Variants in DOCK5 observed in about 807,000 individuals in gnomAD.
The protein encoded by DOCK5 is dedicator of cytokinesis protein 5.
Under a neutral mutation model 251.8 loss-of-function variants are expected in DOCK5, and 142 were observed. The ratio of observed to expected loss-of-function variants is 0.56; its 90% confidence interval spans 0.49 to 0.65. The LOEUF (loss-of-function observed/expected upper bound fraction) is 0.65. Ranked by LOEUF, DOCK5 falls within the 30% of genes least tolerant of loss-of-function variation. The pLI, the probability that DOCK5 is intolerant of heterozygous loss-of-function variation, is 0.00. For missense variants in DOCK5, 2,111 were observed against 2,312.3 expected, an observed-to-expected ratio of 0.91 and a Z score of 1.79; for synonymous variants, 842 against 835.5, an observed-to-expected ratio of 1.01 and a Z score of -0.13.
Position 25,380,359 on chromosome 8 carries a change from A to C in DOCK5, c.3991A>C (p.Lys1331Gln). 4 of 1,612,012 alleles carry C rather than the reference A, an allele frequency of 2.5e-6. No homozygotes were observed. Among genetic ancestry groups the C allele is most frequent in the Middle Eastern group, 1.7e-4 (1 of 6,058 alleles). The change falls in exon 39 of 52, where the codon AAA becomes CAA. Residue 1331 changes from lysine to glutamine, a missense_variant. By Grantham distance (53) the Lys-to-Gln change is moderately conservative. Transcript: ENST00000276440. The part of the protein sequence containing the change: ...SKELAETYES[K>Q]VFDYEGLGNL... ...AGAGTTGGCTGAGACTTACGAAAGC[A>C]AAGTATTTGACTACGAGGGCCTTGG...
At chr8:25,252,639 C>A (rs1803301715) in intron 2 of DOCK5, among the ~76,000 whole-genome samples, 1 of 152,196 alleles carries the variant, frequency 6.6e-6, no homozygotes, top group Admixed American at 6.5e-5. Context: ...GCTACTACTG[C>A]TGGTGACATA....
At chr8:25,286,300 G>A (rs992957598) in intron 5 of DOCK5, among the ~76,000 whole-genome samples, 1 of 152,176 alleles carries the variant, frequency 6.6e-6, no homozygotes, top group Admixed American at 6.5e-5. Context: ...CAAGTGAGAT[G>A]ATCAGAGTCA....
At chr8:25,320,605 C>T (rs1296259472) in intron 15 of DOCK5, among the ~76,000 whole-genome samples, 2 of 152,126 alleles carry the variant, frequency 1.3e-5, no homozygotes, top group East Asian at 3.9e-4. Flanking sequence ...TATTACCTTT[C>T]CCCCTCTTTA....
At chr8:25,303,807 T>TA (rs1371113322) in intron 10 of DOCK5, among the ~76,000 whole-genome samples, 1 of 151,990 alleles carries the variant, frequency 6.6e-6, no homozygotes, top group East Asian at 1.9e-4. Flanking sequence ...ACTAAAAAAA[T>TA]ACAAAAGTTA....
intron 18 of DOCK5, among the ~76,000 whole-genome samples, chr8:25,331,753 G>A (rs1805684816): frequency 2.7e-5 from 4 of 149,438 alleles, no homozygotes; most frequent in African/African-American, 7.4e-5. Flanking sequence ...TAAAATCTGT[G>A]CAGTCATGAT....
At chr8:25,300,509 T>G in intron 8 of DOCK5, 67 bp from the exon 9 acceptor site, 6 of 1,395,372 alleles carry the variant, frequency 4.3e-6, no homozygotes, top group Non-Finnish European at 6.0e-6. Context: ...AAGTCTATAC[T>G]GAGGGTAGCC....
rs188614782 is a variant in DOCK5 at position 25,306,261 on chromosome 8, A to T, written c.1049+1934A>T. Among the ~76,000 whole-genome samples, 6 of 152,346 alleles carry T rather than the reference A, an allele frequency of 3.9e-5. No homozygotes were observed. The East Asian group carries it at 1.2e-3, about 29-fold the overall frequency. On this transcript the variant is annotated intron_variant, in intron 11 of 51. Transcript: ENST00000276440. ...CCTTCCAAGACGAGACAAATATTTT[A>T]TGTAGCACAGTGCTAAAGTTAATTA...
At chr8:25,246,287 T>G (rs1803105555) in intron 2 of DOCK5, among the ~76,000 whole-genome samples, 1 of 152,200 alleles carries the variant, frequency 6.6e-6, no homozygotes, top group South Asian at 2.1e-4. Context: ...TTTTTTGTAT[T>G]TTTTGGAGAC....
chr8:25,205,008 C>A (rs1170056032), intron 1 of DOCK5, among the ~76,000 whole-genome samples: 2 of 149,118 alleles, frequency 1.3e-5, no homozygotes, highest in African/African-American at 2.4e-5. Context: ...GTGGGGCCCT[C>A]ATGAGGGGAT....
intron 33 of DOCK5, 72 bp downstream of exon 33, chr8:25,368,797 T>C (rs1230056000): frequency 1.1e-5 from 16 of 1,452,992 alleles, no homozygotes; most frequent in Admixed American, 6.7e-5. Context: ...TCTTTCTATA[T>C]AGAGAAGCAG....
At chr8:25,292,240 A>G (rs1232858117) in intron 6 of DOCK5, 68 bp downstream of exon 6, 6 of 1,447,948 alleles carry the variant, frequency 4.1e-6, no homozygotes, top group Non-Finnish European at 5.5e-6. Flanking sequence ...CGCTAATGAC[A>G]CTGTTTGCAG....
At position 25,411,399 on chromosome 8, in the gene DOCK5, C is replaced by T; in HGVS notation, c.*101C>T. 1 of 1,317,450 alleles carries T rather than the reference C, an allele frequency of 7.6e-7. No individual in the cohort carries two copies. The highest frequency in any genetic ancestry group is 3.1e-5 in the East Asian group (1 of 31,798). 81.6% of individuals were successfully genotyped at this position (1,317,450 alleles called of 1,614,324 possible). A position where few individuals can be genotyped will look rare whatever the true frequency, so the allele number is the denominator to read the frequency against. On this transcript the variant is annotated 3_prime_UTR_variant, in exon 52 of 52. Coordinates refer to ENST00000276440, the MANE Select transcript of DOCK5 (RefSeq NM_024940.8). ...ATTCCATGGGGCTCCCTGCTGACTG[C>T]ATTTCCTGATCTGGGATGATGTTTA...
chr8:25,349,833 T>C (rs531647060), intron 26 of DOCK5, among the ~76,000 whole-genome samples: 11 of 152,238 alleles, frequency 7.2e-5, no homozygotes, highest in African/African-American at 2.6e-4. Flanking sequence ...GCTTGGGTGA[T>C]GGGTAAACAA....
chr8:25,315,454 G>A (rs892210575), intron 13 of DOCK5, among the ~76,000 whole-genome samples: 3 of 152,184 alleles, frequency 2.0e-5, no homozygotes, highest in Admixed American at 1.3e-4. Context: ...CTGAGTTGGG[G>A]CAAGGCTGGT....
chr8:25,228,331 G>C (rs1802582337), intron 1 of DOCK5, among the ~76,000 whole-genome samples: 1 of 152,214 alleles, frequency 6.6e-6, no homozygotes, highest in South Asian at 2.1e-4. Context: ...ATGCAGGATA[G>C]GTGTGTCCCC....
chr8:25,244,664 A>C (rs1007300255), intron 2 of DOCK5, among the ~76,000 whole-genome samples: 1 of 152,188 alleles, frequency 6.6e-6, no homozygotes, highest in African/African-American at 2.4e-5. Context: ...GCAGGTTCCT[A>C]GGGTGGGATG....
Position 25,374,589 on chromosome 8 carries a change from C to T in DOCK5, c.3751C>T (p.His1251Tyr). 6.2e-7 allele frequency: 1 copy of T among 1,611,182 alleles called. No homozygotes were observed. The highest frequency in any genetic ancestry group is 8.5e-7 in the Non-Finnish European group (1 of 1,179,230). Reference protein sequence around the residue: ...IRYLYKLRDLHRDCENYTEAA... With the variant: ...IRYLYKLRDLYRDCENYTEAA... ...ATATCTGTACAAGCTTCGAGATTTGCACCGAGACTGTGAGAACTACACAGA... is the reference window on the plus strand; with the variant it reads ...ATATCTGTACAAGCTTCGAGATTTGTACCGAGACTGTGAGAACTACACAGA... The change falls in exon 37 of 52, where the codon CAC becomes TAC. Residue 1251 changes from histidine (H) to tyrosine (Y), a missense_variant. His to Tyr is a moderately conservative substitution (Grantham distance 83). Coordinates refer to ENST00000276440, the MANE Select transcript of DOCK5 (RefSeq NM_024940.8).
chr8:25,251,284 T>C (rs1803262612), intron 2 of DOCK5, among the ~76,000 whole-genome samples: 2 of 144,470 alleles, frequency 1.4e-5, no homozygotes, highest in South Asian at 4.8e-4. Flanking sequence ...AAAGGTGAGC[T>C]GAACTGTACA....
chr8:25,377,067 G>A (rs1800975092), intron 37 of DOCK5, among the ~76,000 whole-genome samples: 1 of 152,160 alleles, frequency 6.6e-6, no homozygotes, highest in African/African-American at 2.4e-5. Flanking sequence ...AGTCATGTCA[G>A]TTAGCGACCT....
Sources: allele counts gnomAD v4.1 joint callset (sites outside exome capture counted in the v4.1 genomes callset), GRCh38; gene constraint gnomAD v4.1.1; transcripts MANE v1.5; gene names NCBI Gene and HGNC (gene_info 2026-07-23, HGNC 2026-07-21).